The following KMO variants were observed in gnomAD, a reference collection of about 807,000 sequenced individuals.
KMO encodes the protein kynurenine 3-monooxygenase, also known as kynurenine 3-hydroxylase.
A neutral mutation model predicts 57.8 loss-of-function variants in KMO; 24 were observed. That is an observed-to-expected ratio of 0.42 (90% CI 0.30 to 0.58). The LOEUF is 0.58. Among genes scored for constraint, KMO ranks in the 20% least tolerant of loss-of-function variants. KMO has a pLI of 0.22. For missense variants in KMO, 483 were observed against 588.2 expected, an observed-to-expected ratio of 0.82 and a Z score of 1.85; for synonymous variants, 210 against 193.6, an observed-to-expected ratio of 1.08 and a Z score of -0.70.
rs112118355 is a variant in KMO at position 241,548,939 on chromosome 1, G to T, written c.124+41G>T. The T allele has an allele frequency of 5.4e-4, 732 of 1,350,350 alleles. 2 individuals carry two copies. The African/African-American group carries it at 9.4e-3, about 17-fold the overall frequency. The allele number at this position is 1,350,350 out of a possible 1,614,324, so 83.6% of individuals were successfully genotyped here. A position where few individuals can be genotyped will look rare whatever the true frequency, so the allele number is the denominator to read the frequency against. On this transcript the variant is annotated intron_variant, in intron 2 of 14. Coordinates refer to ENST00000366559, the MANE Select transcript of KMO (RefSeq NM_003679.5). ...AAAAAGCAGGATGAACGCTGGGCAC[G>T]GTGGCTCCTGGCACTTTGGGAGGCC...
chr1:241,544,802 C>A (rs1661085230), intron 1 of KMO, among the ~76,000 whole-genome samples: 1 of 151,990 alleles, frequency 6.6e-6, no homozygotes, highest in Admixed American at 6.6e-5. Context: ...ATGACTTAAA[C>A]ACATAATTAT....
chr1:241,554,787 A>G (rs1462480429), intron 4 of KMO, among the ~76,000 whole-genome samples: 1 of 148,498 alleles, frequency 6.7e-6, no homozygotes, highest in African/African-American at 2.5e-5. Context: ...GCTGGCCAAC[A>G]TGGCAAAACC....
intron 10 of KMO, among the ~76,000 whole-genome samples, chr1:241,575,022 C>A (rs1258657272): frequency 6.6e-6 from 1 of 151,944 alleles, no homozygotes; most frequent in Non-Finnish European, 1.5e-5. Context: ...AGAAATTTAT[C>A]CATTTCCTCT....
chr1:241,592,160 G>A lies in KMO; in HGVS notation c.*7G>A. 1 of 1,608,694 alleles carries A rather than the reference G, an allele frequency of 6.2e-7. No homozygotes were observed. Among genetic ancestry groups the A allele is most frequent in the Non-Finnish European group, 8.5e-7 (1 of 1,176,452 alleles). On this transcript the variant is annotated 3_prime_UTR_variant, in exon 15 of 15. Transcript: ENST00000366559. ...CAATCTCATTAGCAGGTGATAGAAA[G>A]GTTTTGTGGTAGCAAATGCATGATT...
At chr1:241,554,762 G>T (rs974314308) in intron 4 of KMO, among the ~76,000 whole-genome samples, 4 of 148,508 alleles carry the variant, frequency 2.7e-5, no homozygotes, top group African/African-American at 9.9e-5. Context: ...CCTGAGGTTA[G>T]AAGTTCGAGA....
chr1:241,585,084 C>A (rs1662914844), intron 10 of KMO, among the ~76,000 whole-genome samples: 1 of 151,878 alleles, frequency 6.6e-6, no homozygotes, highest in Admixed American at 6.6e-5. Context: ...AAAAAATTAG[C>A]TAGGTGTGGT....
At position 241,564,674 on chromosome 1, in the gene KMO, A is replaced by C. The variant is rs570980295; in HGVS notation, c.616-313A>C. Among the ~76,000 whole-genome samples the C allele has an allele frequency of 9.5e-4, 144 of 151,966 alleles. 1 individual carries two copies. The highest frequency in any genetic ancestry group is 3.4e-3 in the African/African-American group (141 of 41,456). ...GTGTACATATATACCAGGTATAATTATACCAGCTATGATTCAAGATTTGAG... is the reference window on the plus strand; with the variant it reads ...GTGTACATATATACCAGGTATAATTCTACCAGCTATGATTCAAGATTTGAG... On this transcript the variant is annotated intron_variant, in intron 7 of 14. Transcript: ENST00000366559.
At chr1:241,584,586 G>T (rs1413953378) in intron 10 of KMO, among the ~76,000 whole-genome samples, 1 of 150,964 alleles carries the variant, frequency 6.6e-6, no homozygotes, top group African/African-American at 2.4e-5. Context: ...GCCAGAAAAA[G>T]AATTCAGAAA....
intron 10 of KMO, among the ~76,000 whole-genome samples, chr1:241,581,020 G>C (rs1019452543): frequency 6.6e-6 from 1 of 152,062 alleles, no homozygotes; most frequent in Non-Finnish European, 1.5e-5. Flanking sequence ...TGTGTTGGAT[G>C]CATAGATATT....
intron 5 of KMO, chr1:241,555,931 A>C: frequency 3.7e-6 from 1 of 270,926 alleles, no homozygotes; most frequent in Non-Finnish European, 7.0e-6. Context: ...ACAAAGAATA[A>C]AAAATTAGCT....
intron 1 of KMO, among the ~76,000 whole-genome samples, chr1:241,533,032 C>T (rs1186704355): frequency 6.6e-6 from 1 of 152,190 alleles, no homozygotes; most frequent in East Asian, 1.9e-4. Flanking sequence ...TTGACTCTTC[C>T]AGTGGAGCAC....
In KMO at chr1:241,588,788, T is replaced by C; in HGVS notation, c.1056T>C (p.Asp352=). 1 of 1,613,682 alleles carries C rather than the reference T, an allele frequency of 6.2e-7. No individual in the cohort carries two copies. Among genetic ancestry groups the C allele is most frequent in the Non-Finnish European group, 8.5e-7 (1 of 1,179,772 alleles). The change falls in exon 12 of 15, where the codon GAT becomes GAC. Residue 352 remains aspartate, a synonymous_variant. Transcript: ENST00000366559. ...LPVFSRLRIP[D]DHAISDLSMY... ...TGTTCTCAAGATTGAGAATCCCAGA[T>C]GATCACGCGATTTCAGACCTATCCA...
chr1:241,557,747 G>A (rs557924947), intron 5 of KMO, among the ~76,000 whole-genome samples: 7 of 152,210 alleles, frequency 4.6e-5, no homozygotes, highest in East Asian at 1.9e-4. Flanking sequence ...AGGATGGCTC[G>A]AGCCCAGGAG....
At chr1:241,556,904 A>G (rs549646114) in intron 5 of KMO, among the ~76,000 whole-genome samples, 9 of 151,558 alleles carry the variant, frequency 5.9e-5, no homozygotes, top group African/African-American at 1.7e-4. Context: ...AATAATAATA[A>G]TAATAATAAT....
intron 10 of KMO, among the ~76,000 whole-genome samples, chr1:241,577,747 C>A (rs1662577405): frequency 6.6e-6 from 1 of 152,108 alleles, no homozygotes; most frequent in Admixed American, 6.5e-5. Flanking sequence ...GAGAAGGTAT[C>A]CCTGGGCAGA....
At chr1:241,532,864 TA>T (rs1660625666) in intron 1 of KMO, among the ~76,000 whole-genome samples, 3 of 152,240 alleles carry the variant, frequency 2.0e-5, no homozygotes, top group Admixed American at 2.0e-4. Context: ...TTCATTTTAA[TA>T]AAAACATTTG....
At position 241,550,973 on chromosome 1, in the gene KMO, C is replaced by A. The variant is rs1661371977; in HGVS notation, c.241C>A (p.Pro81Thr). The A allele has an allele frequency of 3.3e-6, 5 of 1,538,234 alleles. No individual in the cohort carries two copies. The South Asian group carries it at 6.3e-5, about 19-fold the overall frequency. The change falls in exon 4 of 15, where the codon CCC becomes ACC. Residue 81 changes from proline (P) to threonine (T), a missense_variant. Transcript: ENST00000366559. ...ATTTCAGATTGTATCCCAAGGTATTCCCATGAGAGCAAGAATGATCCACTC... is the reference window on the plus strand; with the variant it reads ...ATTTCAGATTGTATCCCAAGGTATTACCATGAGAGCAAGAATGATCCACTC... ...LEDQIVSQGI[P>T]MRARMIHSLS...
At chr1:241,544,577 A>G (rs1040820967) in intron 1 of KMO, among the ~76,000 whole-genome samples, 9 of 152,218 alleles carry the variant, frequency 5.9e-5, no homozygotes, top group Non-Finnish European at 1.0e-4. Flanking sequence ...GGAGAAGAGC[A>G]TGTAGGATAA....
Position 241,566,545 on chromosome 1 carries a change from C to T in KMO, c.742C>T (p.Leu248=). The T allele has an allele frequency of 6.2e-7, 1 of 1,613,572 alleles. No homozygotes were observed. Among genetic ancestry groups the T allele is most frequent in the Non-Finnish European group, 8.5e-7 (1 of 1,179,524 alleles). ...FMPFEEFEKL[L]TSNDVVDFFQ... The stretch of plus-strand genomic sequence containing the variant: ...GCCCTTTGAAGAGTTTGAAAAACTT[C>T]TAACCAGTAATGATGTGGTAGATTT... Residue 248 remains leucine (L), a synonymous_variant, in exon 9 of 15, where the codon CTA becomes TTA. Transcript: ENST00000366559.
Sources: allele counts gnomAD v4.1 joint callset (sites outside exome capture counted in the v4.1 genomes callset), GRCh38; gene constraint gnomAD v4.1.1; transcripts MANE v1.5; gene names NCBI Gene and HGNC (gene_info 2026-07-23, HGNC 2026-07-21).